The following RGS21 variants were observed in gnomAD, a reference collection of about 807,000 sequenced individuals.
RGS21 encodes regulator of G-protein signalling 21.
In RGS21, 19 loss-of-function variants were observed where a neutral mutation model predicts 18.7. The observed-to-expected ratio is 1.01, with a 90% CI of 0.71 to 1.49. The LOEUF is 1.49. Ranked by LOEUF, RGS21 falls within the 40% of genes most tolerant of loss-of-function variation. The probability of loss-of-function intolerance (pLI) is 0.00; values close to 1 mark genes in which losing one functional copy is unlikely to be tolerated. For missense variants in RGS21, 194 were observed against 176.8 expected, an observed-to-expected ratio of 1.10 and a Z score of -0.55; for synonymous variants, 56 against 57.8, an observed-to-expected ratio of 0.97 and a Z score of 0.14.
At chr1:192,359,171 G>A (rs1319096903) in intron 4 of RGS21, among the ~76,000 whole-genome samples, 1 of 151,978 alleles carries the variant, frequency 6.6e-6, no homozygotes, top group Non-Finnish European at 1.5e-5. Context: ...AAAATATTAT[G>A]TTTCACAAAC....
At chr1:192,351,667 T>C (rs2102234037) in intron 3 of RGS21, among the ~76,000 whole-genome samples, 1 of 148,128 alleles carries the variant, frequency 6.8e-6, no homozygotes, top group African/African-American at 2.4e-5. Context: ...ATATATAACA[T>C]ATATAACACA....
chr1:192,362,080 C>A (rs1273831196), intron 4 of RGS21, among the ~76,000 whole-genome samples: 1 of 151,890 alleles, frequency 6.6e-6, no homozygotes, highest in Non-Finnish European at 1.5e-5. Context: ...GAGAGTAGTC[C>A]AGTTTATGCA....
chr1:192,318,497 T>C (rs538819242), intron 1 of RGS21, among the ~76,000 whole-genome samples: 97 of 152,176 alleles, frequency 6.4e-4, no homozygotes, highest in African/African-American at 2.1e-3. Flanking sequence ...AAACTCTCTG[T>C]TCAGGCCTTT....
At chr1:192,327,194 G>A (rs1658579377) in intron 1 of RGS21, among the ~76,000 whole-genome samples, 1 of 151,972 alleles carries the variant, frequency 6.6e-6, no homozygotes, top group South Asian at 2.1e-4. Context: ...TAATAAAGAG[G>A]TGGATATGGG....
At chr1:192,331,923 G>A (rs186621953) in intron 1 of RGS21, among the ~76,000 whole-genome samples, 73 of 151,780 alleles carry the variant, frequency 4.8e-4, no homozygotes, top group African/African-American at 1.1e-3. Context: ...TTTAGAGAAC[G>A]GTCTTAAATA....
intron 4 of RGS21, among the ~76,000 whole-genome samples, chr1:192,355,096 T>A (rs1432948252): frequency 1.3e-5 from 2 of 151,702 alleles, no homozygotes; most frequent in Non-Finnish European, 3.0e-5. Flanking sequence ...TAGTATGATG[T>A]AGCAGAAAAA....
At chr1:192,347,272 G>T in intron 2 of RGS21, 41 bp from the exon 3 acceptor site, 1 of 1,204,732 alleles carries the variant, frequency 8.3e-7, no homozygotes, top group Admixed American at 1.7e-5. Flanking sequence ...ATTACTATTG[G>T]TTAAAGAAGA....
intron 1 of RGS21, among the ~76,000 whole-genome samples, chr1:192,333,594 G>T (rs1290394865): frequency 7.5e-6 from 1 of 133,996 alleles, no homozygotes; most frequent in East Asian, 2.5e-4. Flanking sequence ...GTCATGTAAG[G>T]TATGATCGTA....
chr1:192,347,303 T>C lies in RGS21; in HGVS notation c.12-10T>C, dbSNP rs200797213. The C allele has an allele frequency of 8.4e-4, 1,305 of 1,548,990 alleles. 3 individuals carry two copies. Among genetic ancestry groups the C allele is most frequent in the Non-Finnish European group, 1.1e-3 (1,189 of 1,122,524 alleles). On this transcript the variant is annotated splice_polypyrimidine_tract_variant and intron_variant, in intron 2 of 4. Coordinates refer to ENST00000417209, the MANE Select transcript of RGS21 (RefSeq NM_001039152.3). ...GAAGAAAAAGATCACAATGCTATTGTCAAGGTTAGATGCTGTTTCTACAGG... is the reference window on the plus strand; with the variant it reads ...GAAGAAAAAGATCACAATGCTATTGCCAAGGTTAGATGCTGTTTCTACAGG...
chr1:192,343,079 A>C (rs771325591), intron 2 of RGS21, 32 bp downstream of exon 2: 1 of 1,606,706 alleles, frequency 6.2e-7, no homozygotes, highest in Non-Finnish European at 8.5e-7. Context: ...TTTTTATCTC[A>C]GAAGATGTAC....
chr1:192,354,115 A>G (rs529940415), intron 4 of RGS21, among the ~76,000 whole-genome samples: 1 of 151,846 alleles, frequency 6.6e-6, no homozygotes, highest in African/African-American at 2.4e-5. Flanking sequence ...TTCATCAGTT[A>G]TGTGTTATAG....
At chr1:192,320,507 T>C (rs1037215605) in intron 1 of RGS21, among the ~76,000 whole-genome samples, 12 of 150,400 alleles carry the variant, frequency 8.0e-5, no homozygotes, top group African/African-American at 2.7e-4. Flanking sequence ...GGAATGTGTA[T>C]GTGTATGTGT....
chr1:192,320,229 C>G (rs1658476522), intron 1 of RGS21, among the ~76,000 whole-genome samples: 1 of 151,982 alleles, frequency 6.6e-6, no homozygotes, highest in African/African-American at 2.4e-5. Flanking sequence ...CAACAAACCC[C>G]CATGACATAA....
intron 1 of RGS21, among the ~76,000 whole-genome samples, chr1:192,325,145 T>C (rs1658551055): frequency 6.6e-6 from 1 of 152,032 alleles, no homozygotes; most frequent in Admixed American, 6.6e-5. Context: ...TAGTACCCAA[T>C]AGGTAGTGTC....
chr1:192,344,988 C>T (rs181509197), intron 2 of RGS21, among the ~76,000 whole-genome samples: 8 of 152,104 alleles, frequency 5.3e-5, no homozygotes, highest in Non-Finnish European at 7.4e-5. Flanking sequence ...TTTAGCATCC[C>T]TCTGTAATTC....
rs1658760702 is a variant in RGS21 at position 192,335,997 on chromosome 1, T to C, written c.-60-6980T>C. ...ATTTTTTAGTTGCTGTTGAACAAAG[T>C]ATATTTGTTGTAATAGCATCCAGAT... On this transcript the variant is annotated intron_variant, in intron 1 of 4. Coordinates refer to ENST00000417209, the MANE Select transcript of RGS21 (RefSeq NM_001039152.3). 2.6e-5 allele frequency among the ~76,000 whole-genome samples: 4 copies of C among 152,196 alleles called. No individual in the cohort carries two copies. The South Asian group carries it at 8.3e-4, about 32-fold the overall frequency.
At chr1:192,351,725 TAATA>T (rs1045970194) in intron 3 of RGS21, among the ~76,000 whole-genome samples, 2 of 147,638 alleles carry the variant, frequency 1.4e-5, no homozygotes, top group South Asian at 2.1e-4. Flanking sequence ...ATAACACATA[TAATA>T]TATATGCTAT....
intron 1 of RGS21, among the ~76,000 whole-genome samples, chr1:192,338,089 A>G (rs909769389): frequency 2.0e-5 from 3 of 152,168 alleles, no homozygotes; most frequent in Admixed American, 6.6e-5. Context: ...ACTAAGAACT[A>G]TACATCCAAA....
At chr1:192,352,313 T>C (rs1659055766) in intron 4 of RGS21, 100 bp downstream of exon 4, 2 of 809,598 alleles carry the variant, frequency 2.5e-6, no homozygotes, top group African/African-American at 1.8e-5. Flanking sequence ...AAATTCTCAG[T>C]ATGTGTTTAA....
Sources: gnomAD v4.1 joint callset for allele counts (sites outside exome capture counted in the v4.1 genomes callset) on GRCh38, gnomAD v4.1.1 for gene constraint, MANE v1.5 for transcripts, NCBI Gene and HGNC (gene_info 2026-07-23, HGNC 2026-07-21) for gene names.